The following ATP9B variants were observed in gnomAD, a reference collection of about 807,000 sequenced individuals.
ATP9B encodes the protein ATPase phospholipid transporting 9B.
ATP9B carries 110 observed loss-of-function variants against 146.1 expected under a neutral mutation model. The observed-to-expected ratio is 0.75, with a 90% confidence interval of 0.65 to 0.88. ATP9B has a LOEUF of 0.88. ATP9B is among the 40% of genes least tolerant of loss of function. The pLI, the probability that ATP9B is intolerant of heterozygous loss-of-function variation, is 0.00. For synonymous variants in ATP9B, 604 were observed against 569.7 expected, an observed-to-expected ratio of 1.06 and a Z score of -0.86; for missense variants, 1,499 against 1,496.4, an observed-to-expected ratio of 1.00 and a Z score of -0.03.
At chr18:79,173,073 C>T (rs1459982233) in intron 7 of ATP9B, among the ~76,000 whole-genome samples, 1 of 152,112 alleles carries the variant, frequency 6.6e-6, no homozygotes, top group Non-Finnish European at 1.5e-5. Flanking sequence ...TTGCGTGTGC[C>T]GTTCCGTTAT....
At chr18:79,117,530 G>A (rs1309288443) in intron 4 of ATP9B, 1 of 152,208 alleles carries the variant, frequency 6.6e-6, no homozygotes, top group Non-Finnish European at 1.5e-5. Context: ...GAAGGTCTTG[G>A]ACTGTTTTAG....
rs140180312 is a variant in ATP9B, at chr18:79,180,839, C to T, written c.873+3932C>T. Among the ~76,000 whole-genome samples the T allele has an allele frequency of 3.7e-3, 558 of 151,866 alleles. 3 individuals carry two copies. Among genetic ancestry groups the T allele is most frequent in the South Asian group, 0.023 (113 of 4,810 alleles). ...ACAGAGTCTCGCTCTGTCACAGAGG[C>T]TTAAGTGCAGTAGTGCAATCTCGAC... On this transcript the variant is annotated intron_variant, in intron 8 of 29. Coordinates refer to ENST00000426216, the MANE Select transcript of ATP9B (RefSeq NM_198531.5).
At chr18:79,096,352 C>A in intron 1 of ATP9B, 124 bp from the exon 2 acceptor site, 1 of 934,348 alleles carries the variant, frequency 1.1e-6, no homozygotes, top group Non-Finnish European at 1.6e-6. Flanking sequence ...CCTCTGCAGT[C>A]TTATTTATAA....
chr18:79,367,098 C>A (rs2097035374), intron 26 of ATP9B, among the ~76,000 whole-genome samples: 1 of 140,034 alleles, frequency 7.1e-6, no homozygotes, highest in Non-Finnish European at 1.5e-5. Flanking sequence ...GAGAAAGTGC[C>A]TCCTCAACCA....
At chr18:79,248,578 G>A (rs759479204) in intron 11 of ATP9B, among the ~76,000 whole-genome samples, 2 of 152,216 alleles carry the variant, frequency 1.3e-5, no homozygotes, top group Non-Finnish European at 2.9e-5. Flanking sequence ...AGTGTTAACA[G>A]TTGTGTTTTT....
intron 1 of ATP9B, among the ~76,000 whole-genome samples, chr18:79,087,140 A>G (rs1010181613): frequency 5.3e-5 from 8 of 152,232 alleles, no homozygotes; most frequent in Non-Finnish European, 4.4e-5. Context: ...GCAAGAGAGG[A>G]TGAATGTGGT....
At chr18:79,259,634 G>A (rs969567592) in intron 12 of ATP9B, among the ~76,000 whole-genome samples, 5 of 152,172 alleles carry the variant, frequency 3.3e-5, no homozygotes, top group African/African-American at 1.2e-4. Flanking sequence ...GCGTGGGGAT[G>A]CTTGCCTGTG....
chr18:79,137,353 T>C (rs898205859), intron 5 of ATP9B, among the ~76,000 whole-genome samples: 3 of 152,160 alleles, frequency 2.0e-5, no homozygotes, highest in African/African-American at 7.2e-5. Context: ...TGTCAGACAT[T>C]GTGAATTTTA....
chr18:79,239,016 C>T lies in ATP9B; in HGVS notation c.1108-14365C>T, dbSNP rs1183924733. On this transcript the variant is annotated intron_variant, in intron 11 of 29. Coordinates refer to ENST00000426216, the MANE Select transcript of ATP9B (RefSeq NM_198531.5). This position sits in a 1 kb window ranked among gnomAD's most constrained non-coding sequence, Gnocchi z 5.1. ...CAACTGGCACTGAAATTAGCAGTTA[C>T]TGTTTCTCTGCTTCATGCCTCAGGT... 6.6e-6 allele frequency among the ~76,000 whole-genome samples: 1 copy of T among 152,222 alleles called. No homozygotes were observed. Among genetic ancestry groups the T allele is most frequent in the Non-Finnish European group, 1.5e-5 (1 of 68,036 alleles).
At chr18:79,204,914 A>AT (rs552595816) in intron 9 of ATP9B, among the ~76,000 whole-genome samples, 87 of 150,924 alleles carry the variant, frequency 5.8e-4, no homozygotes, top group South Asian at 4.9e-3. Context: ...TTTTGAAATG[A>AT]TTTTTTTTTT....
chr18:79,309,495 TCAGGGG>T (rs2096639791), intron 15 of ATP9B, among the ~76,000 whole-genome samples: 2 of 142,992 alleles, frequency 1.4e-5, no homozygotes, highest in East Asian at 2.2e-4. Flanking sequence ...AGGTAGAAGG[TCAGGGG>T]TGGAGGAGTG....
At chr18:79,157,405 A>ACAAAAAAAAAC (rs1323579032) in intron 7 of ATP9B, among the ~76,000 whole-genome samples, 4 of 124,598 alleles carry the variant, frequency 3.2e-5, no homozygotes, top group South Asian at 6.3e-4. Context: ...TCAAAAAAAA[A>ACAAAAAAAAAC]AAAAAAAAAA....
chr18:79,245,709 TACCGCCCTACTGACTGTGTGGAGGAC>T (rs2095943895), intron 11 of ATP9B, among the ~76,000 whole-genome samples: 1 of 118,520 alleles, frequency 8.4e-6, no homozygotes, highest in African/African-American at 3.6e-5. Flanking sequence ...GTGCGGAGGG[TACCGCCCTACTGACTGTGTGGAGGAC>T]ACCGCCCTGC....
intron 15 of ATP9B, among the ~76,000 whole-genome samples, chr18:79,324,350 T>C (rs909183874): frequency 7.2e-5 from 11 of 152,324 alleles, no homozygotes; most frequent in Admixed American, 7.2e-4. Flanking sequence ...TTGCCTGTGC[T>C]TTTGAGGTCT....
chr18:79,297,477 G>GTAAATATTAAATACACATTTTA (rs573775322), intron 13 of ATP9B, among the ~76,000 whole-genome samples: 23 of 152,334 alleles, frequency 1.5e-4, no homozygotes, highest in African/African-American at 3.6e-4. Flanking sequence ...GAGGCACTCA[G>GTAAATATTAAATACACATTTTA]TAAATATTAA....
intron 19 of ATP9B, among the ~76,000 whole-genome samples, chr18:79,341,308 G>T (rs2096857347): frequency 7.1e-6 from 1 of 140,852 alleles, no homozygotes; most frequent in Non-Finnish European, 1.6e-5. Context: ...ATTTAGTTGT[G>T]GTTGGATGTG....
chr18:79,323,040 G>A (rs1365484365), intron 15 of ATP9B, among the ~76,000 whole-genome samples: 1 of 152,246 alleles, frequency 6.6e-6, no homozygotes, highest in Non-Finnish European at 1.5e-5. Context: ...ACAATATGCA[G>A]TGATCAAATC....
chr18:79,335,520 ATTGCAGGCATTTCCATGTCTTGC>A (rs1165294753), intron 17 of ATP9B, among the ~76,000 whole-genome samples: 3 of 152,210 alleles, frequency 2.0e-5, no homozygotes, highest in African/African-American at 7.2e-5. Flanking sequence ...TCATGAGCTC[ATTGCAGGCATTTCCATGTCTTGC>A]TTTAACACGC....
intron 5 of ATP9B, among the ~76,000 whole-genome samples, chr18:79,134,601 G>A (rs114864885): frequency 6.6e-6 from 1 of 152,356 alleles, no homozygotes; most frequent in African/African-American, 2.4e-5. Flanking sequence ...GCACCAGTTT[G>A]CGTTTCCATT....
Sources: gnomAD v4.1 joint callset for allele counts (sites outside exome capture counted in the v4.1 genomes callset) on GRCh38, gnomAD v4.1.1 for gene constraint, Gnocchi (gnomAD v3.1) non-coding constraint, MANE v1.5 for transcripts, NCBI Gene and HGNC (gene_info 2026-07-23, HGNC 2026-07-21) for gene names.